Variants in LLGL2 observed in about 807,000 individuals in gnomAD.
The protein encoded by LLGL2 is LLGL2, scribble cell polarity complex component.
Under a neutral mutation model 123.2 loss-of-function variants are expected in LLGL2, and 81 were observed. The observed-to-expected ratio is 0.66, with a 90% CI of 0.55 to 0.79. The LOEUF (loss-of-function observed/expected upper bound fraction) is 0.79, where lower values mean the gene tolerates loss of function less well. LLGL2 is among the 30% of genes least tolerant of loss of function. The probability of loss-of-function intolerance (pLI) is 0.00; values close to 1 mark genes in which losing one functional copy is unlikely to be tolerated. For synonymous variants in LLGL2, 577 were observed against 594.1 expected (o/e 0.97, Z 0.42); for missense variants, 1,273 against 1,414.6 (o/e 0.90, Z 1.61).
chr17:75,537,559 A>AT (rs1300885390), intron 1 of LLGL2, among the ~76,000 whole-genome samples: 1 of 152,126 alleles, frequency 6.6e-6, no homozygotes, highest in Admixed American at 6.6e-5. Context: ...TTAGCCAGGC[A>AT]TGGTGGTGGA....
chr17:75,532,077 C>CACACACACACACACTTT (rs58220046), intron 1 of LLGL2, among the ~76,000 whole-genome samples: 3 of 83,996 alleles, frequency 3.6e-5, no homozygotes, highest in Non-Finnish European at 7.9e-5. Flanking sequence ...CACACACACA[C>CACACACACACACACTTT]TTTTTTTTTT....
At chr17:75,535,731 C>T (rs1224611114) in intron 1 of LLGL2, among the ~76,000 whole-genome samples, 2 of 152,348 alleles carry the variant, frequency 1.3e-5, no homozygotes, top group Non-Finnish European at 2.9e-5. Context: ...CTCTCTGCCC[C>T]CACTGGTCTC....
chr17:75,558,127 T>TCCAGAGCTTTCCTGAG lies in LLGL2; in HGVS notation c.174-25_174-10dup, dbSNP rs759743512. On this transcript the variant is annotated intron_variant, in intron 3 of 25. Coordinates refer to ENST00000392550, the MANE Select transcript of LLGL2 (RefSeq NM_001031803.2). The surrounding 1 kb of genome is among the most constrained non-coding windows in gnomAD (Gnocchi z 4.0). Reference sequence around the variant, plus strand: ...GCAGGCAGGGGATGGTGTCCGACCTTCCAGAGCTTTCCTGAGCCTACTCCT... The same window carrying TCCAGAGCTTTCCTGAG: ...GCAGGCAGGGGATGGTGTCCGACCTTCCAGAGCTTTCCTGAGCCAGAGCTTTCCTGAGCCTACTCCT... 6 of 1,611,064 alleles carry TCCAGAGCTTTCCTGAG rather than the reference T, an allele frequency of 3.7e-6. No individual in the cohort carries two copies. In the African/African-American group the frequency reaches 8.0e-5, roughly 21 times the overall value.
chr17:75,555,683 C>T (rs551034190), intron 2 of LLGL2, among the ~76,000 whole-genome samples: 123 of 152,234 alleles, frequency 8.1e-4, no homozygotes, highest in African/African-American at 2.9e-3. Context: ...TTCCAAACTC[C>T]CCCTACTTTC....
At chr17:75,556,270 T>C (rs1331243119) in intron 3 of LLGL2, 127 bp downstream of exon 3, 2 of 749,412 alleles carry the variant, frequency 2.7e-6, no homozygotes, top group Non-Finnish European at 2.2e-6. Context: ...TGATTTCCAG[T>C]TTTGGACATG....
chr17:75,573,381 G>T (rs2055816334), intron 20 of LLGL2, 100 bp from the exon 21 acceptor site: 2 of 1,554,270 alleles, frequency 1.3e-6, no homozygotes, highest in Admixed American at 3.5e-5. Context: ...TGGGCCTTAA[G>T]CGGAGAACTG....
intron 2 of LLGL2, among the ~76,000 whole-genome samples, chr17:75,551,801 T>A (rs943905087): frequency 2.0e-5 from 3 of 152,224 alleles, no homozygotes; most frequent in Admixed American, 1.3e-4. Context: ...GAAGCTGCAT[T>A]GTATAATTAT....
At chr17:75,551,945 A>T (rs2054694340) in intron 2 of LLGL2, among the ~76,000 whole-genome samples, 1 of 151,930 alleles carries the variant, frequency 6.6e-6, no homozygotes, top group African/African-American at 2.4e-5. Context: ...CCTGGCCAAC[A>T]TGGTGAAACC....
chr17:75,525,980 G>C lies in LLGL2; in HGVS notation c.-31+155G>C, dbSNP rs563786230. 6.6e-6 allele frequency among the ~76,000 whole-genome samples: 1 copy of C among 152,238 alleles called. No homozygotes were observed. Among genetic ancestry groups the C allele is most frequent in the African/African-American group, 2.4e-5 (1 of 41,574 alleles). On this transcript the variant is annotated intron_variant, in intron 1 of 25. Transcript: ENST00000392550. This position sits in a 1 kb window ranked among gnomAD's most constrained non-coding sequence, Gnocchi z 4.8. ...GCGCCTCGCCCCTGTCCGCGTCGCT[G>C]TGCTGGCCTGGAAGAGAGACACCTG...
intron 1 of LLGL2, among the ~76,000 whole-genome samples, chr17:75,532,815 C>G (rs893702336): frequency 2.6e-5 from 4 of 152,180 alleles, no homozygotes; most frequent in Admixed American, 1.3e-4. Flanking sequence ...CAAGGGTATT[C>G]CGAACAGGAT....
rs187766428 is a variant in LLGL2, at chr17:75,572,084, G to A, written c.2460+20G>A. On this transcript the variant is annotated intron_variant, in intron 19 of 25. Coordinates refer to ENST00000392550, the MANE Select transcript of LLGL2 (RefSeq NM_001031803.2). ...TTCAAGGTGCCACACGGGCAGCGGCGGGTCTCCCTGGGACTCCCCGGGACA... is the reference window on the plus strand; with the variant it reads ...TTCAAGGTGCCACACGGGCAGCGGCAGGTCTCCCTGGGACTCCCCGGGACA... 1.5e-3 allele frequency: 2,384 copies of A among 1,601,918 alleles called. 31 individuals carry two copies. The African/African-American group carries it at 0.026, about 17-fold the overall frequency.
chr17:75,552,334 C>G (rs965223034), intron 2 of LLGL2, among the ~76,000 whole-genome samples: 40 of 151,796 alleles, frequency 2.6e-4, no homozygotes. Flanking sequence ...ACTAAAAATA[C>G]AAAAACTAGC....
At position 75,564,708 on chromosome 17, in the gene LLGL2, A is replaced by T; in HGVS notation, c.1036+201A>T. 1.2e-6 allele frequency: 1 copy of T among 832,642 alleles called. No homozygotes were observed. Among genetic ancestry groups the T allele is most frequent in the Non-Finnish European group, 1.7e-6 (1 of 571,822 alleles). 51.6% of individuals were successfully genotyped at this position (832,642 alleles called of 1,614,324 possible). ...GGAGACCCTTGTCTCTACAAAAAATAAAAAAATTAGCCAGGTGTTGTGGCA... is the reference window on the plus strand; with the variant it reads ...GGAGACCCTTGTCTCTACAAAAAATTAAAAAATTAGCCAGGTGTTGTGGCA... On this transcript the variant is annotated intron_variant, in intron 10 of 25. Transcript: ENST00000392550. This position sits in a 1 kb window ranked among gnomAD's most constrained non-coding sequence, Gnocchi z 4.9.
At chr17:75,574,310 G>A (rs1416322213) in intron 23 of LLGL2, 50 bp downstream of exon 23, 3 of 1,492,680 alleles carry the variant, frequency 2.0e-6, no homozygotes, top group Non-Finnish European at 2.7e-6. Flanking sequence ...GGGGAAGGGG[G>A]GTCAGGGTCA....
In LLGL2 at chr17:75,559,191, C is replaced by T. The variant is rs567870582; in HGVS notation, c.372-61C>T. ...TGTTTTCCGAGGAGTCAGGGGACCC[C>T]GTCCATGGCATCTCCCCTGCTGGGC... On this transcript the variant is annotated intron_variant, in intron 5 of 25. Coordinates refer to ENST00000392550, the MANE Select transcript of LLGL2 (RefSeq NM_001031803.2). The surrounding 1 kb of genome is among the most constrained non-coding windows in gnomAD (Gnocchi z 4.6). 45 of 1,493,584 alleles carry T rather than the reference C, an allele frequency of 3.0e-5. No homozygotes were observed. Among genetic ancestry groups the T allele is most frequent in the South Asian group, 2.7e-4 (20 of 75,002 alleles). 92.5% of individuals were successfully genotyped at this position (1,493,584 alleles called of 1,614,324 possible). A position where few individuals can be genotyped will look rare whatever the true frequency, so the allele number is the denominator to read the frequency against.
chr17:75,563,500 G>A (rs2055316822), intron 8 of LLGL2, 37 bp downstream of exon 8: 2 of 1,607,604 alleles, frequency 1.2e-6, no homozygotes, highest in Admixed American at 1.7e-5. Flanking sequence ...CCCACCCCCA[G>A]TGCCTCCTGG....
In LLGL2 at chr17:75,558,652, TC is replaced by T; in HGVS notation, c.371+27del. Reference sequence around the variant, plus strand: ...GGTAAGGGCTCAATCCCCAGCCCCTTCCACTCCCAGCCCAGCCTGACCCTTG... The same window carrying T: ...GGTAAGGGCTCAATCCCCAGCCCCTTCACTCCCAGCCCAGCCTGACCCTTG... On this transcript the variant is annotated intron_variant, in intron 5 of 25. Transcript: ENST00000392550. The surrounding 1 kb of genome is among the most constrained non-coding windows in gnomAD (Gnocchi z 4.0). The T allele has an allele frequency of 6.5e-7, 1 of 1,539,314 alleles. No homozygotes were observed. Among genetic ancestry groups the T allele is most frequent in the Non-Finnish European group, 8.8e-7 (1 of 1,130,864 alleles).
rs751944797 is a variant in LLGL2 at position 75,559,374 on chromosome 17, A to C, written c.494A>C (p.Glu165Ala). Residue 165 changes from glutamate (E) to alanine (A), a missense_variant, in exon 6 of 26, where the codon GAG becomes GCG. Glu to Ala is a moderately radical substitution (Grantham distance 107). Coordinates refer to ENST00000392550, the MANE Select transcript of LLGL2 (RefSeq NM_001031803.2). This position sits in a 1 kb window ranked among gnomAD's most constrained non-coding sequence, Gnocchi z 4.6. ...VVQLPAFRALEDRTISSDAVL... is the reference protein window; with the variant it reads ...VVQLPAFRALADRTISSDAVL... The stretch of plus-strand genomic sequence containing the variant: ...CAGCTGCCAGCTTTTCGTGCGCTGG[A>C]GGACCGGACCATCAGCTCGGACGCG... 8 of 1,612,648 alleles carry C rather than the reference A, an allele frequency of 5.0e-6. No homozygotes were observed. Among genetic ancestry groups the C allele is most frequent in the Non-Finnish European group, 6.8e-6 (8 of 1,179,762 alleles).
At chr17:75,543,299 G>A in intron 1 of LLGL2, 98 bp from the exon 2 acceptor site, 1 of 783,930 alleles carries the variant, frequency 1.3e-6, no homozygotes, top group Non-Finnish European at 2.0e-6. Flanking sequence ...GCAGCCTACT[G>A]GACTTGGAGA....
Sources: allele counts gnomAD v4.1 joint callset (sites outside exome capture counted in the v4.1 genomes callset), GRCh38; gene constraint gnomAD v4.1.1; non-coding constraint Gnocchi (gnomAD v3.1); transcripts MANE v1.5; gene names NCBI Gene and HGNC (gene_info 2026-07-23, HGNC 2026-07-21).